The following IL1RAPL2 variants were observed in gnomAD, a reference collection of about 807,000 sequenced individuals.
The protein encoded by IL1RAPL2 is interleukin 1 receptor accessory protein like 2, also known as X-linked interleukin-1 receptor accessory protein-like 2.
A neutral mutation model predicts 44.1 loss-of-function variants in IL1RAPL2; 3 were observed. The ratio of observed to expected loss-of-function variants is 0.07; its 90% CI spans 0.03 to 0.18. The LOEUF (loss-of-function observed/expected upper bound fraction) is 0.18, where lower values mean the gene tolerates loss of function less well. Among genes scored for constraint, IL1RAPL2 ranks in the 10% least tolerant of loss-of-function variants. The probability of loss-of-function intolerance (pLI) is 1.00; values close to 1 mark genes in which losing one functional copy is unlikely to be tolerated. For missense variants in IL1RAPL2, 391 were observed against 496.4 expected, an observed-to-expected ratio of 0.79 and a Z score of 2.02; for synonymous variants, 181 against 178.8, an observed-to-expected ratio of 1.01 and a Z score of -0.10.
intron 2 of IL1RAPL2, among the ~76,000 whole-genome samples, chrX:105,059,017 G>T (rs1026888582): frequency 1.8e-5 from 2 of 111,370 alleles, no homozygotes; most frequent in East Asian, 5.6e-4. Context: ...ATATTTTTGG[G>T]GTACATGAGA....
At chrX:105,382,585 A>T (rs2035441846) in intron 5 of IL1RAPL2, among the ~76,000 whole-genome samples, 1 of 103,744 alleles carries the variant, frequency 9.6e-6, no homozygotes, top group African/African-American at 3.9e-5. Context: ...ATCTAGAACT[A>T]GAAATACCAT....
chrX:105,679,700 G>A (rs1383230783), intron 6 of IL1RAPL2, among the ~76,000 whole-genome samples: 1 of 111,808 alleles, frequency 8.9e-6, no homozygotes, highest in African/African-American at 3.2e-5. Context: ...TAGAGATGAT[G>A]TATCATTTCC....
At chrX:105,332,815 A>G (rs189859503) in intron 5 of IL1RAPL2, among the ~76,000 whole-genome samples, 36 of 111,643 alleles carry the variant, frequency 3.2e-4, no homozygotes, top group Admixed American at 3.1e-3. Flanking sequence ...CCAAATAAGT[A>G]GAAGTTCTCC....
intron 2 of IL1RAPL2, among the ~76,000 whole-genome samples, chrX:104,778,582 T>A (rs867513310): frequency 6.0e-4 from 55 of 92,437 alleles, no homozygotes; most frequent in Non-Finnish European, 9.8e-4. Flanking sequence ...TATATATATA[T>A]AAATATATAT....
intron 6 of IL1RAPL2, among the ~76,000 whole-genome samples, chrX:105,542,920 C>T (rs1458170994): frequency 1.8e-5 from 2 of 109,532 alleles, no homozygotes; most frequent in African/African-American, 6.6e-5. Flanking sequence ...GATTTAAATT[C>T]AATCTAGGAA....
At chrX:104,942,829 G>C (rs916206124) in intron 2 of IL1RAPL2, among the ~76,000 whole-genome samples, 2 of 111,367 alleles carry the variant, frequency 1.8e-5, no homozygotes, top group Non-Finnish European at 3.8e-5. Flanking sequence ...TTGGCTGTGG[G>C]TTTGTCATAA....
At chrX:105,070,332 A>G (rs910423155) in intron 2 of IL1RAPL2, among the ~76,000 whole-genome samples, 1 of 111,677 alleles carries the variant, frequency 9.0e-6, no homozygotes, top group Non-Finnish European at 1.9e-5. Context: ...CCTTATTGTC[A>G]TATCTTAAGG....
intron 2 of IL1RAPL2, among the ~76,000 whole-genome samples, chrX:105,038,556 G>T (rs1296788226): frequency 9.1e-6 from 1 of 110,020 alleles, no homozygotes; most frequent in East Asian, 2.9e-4. Context: ...TTTTAACTTT[G>T]ATTTTAGATT....
At chrX:105,490,766 G>A (rs1283564820) in intron 6 of IL1RAPL2, among the ~76,000 whole-genome samples, 1 of 112,144 alleles carries the variant, frequency 8.9e-6, no homozygotes. Context: ...AAATACAGAG[G>A]TGAATTAAAT....
chrX:105,446,592 C>T (rs978473160), intron 5 of IL1RAPL2, among the ~76,000 whole-genome samples: 2 of 110,324 alleles, frequency 1.8e-5, no homozygotes, highest in African/African-American at 6.6e-5. Flanking sequence ...TACGATGAGG[C>T]CTGCAAACAC....
At chrX:104,907,741 A>T (rs892785985) in intron 2 of IL1RAPL2, among the ~76,000 whole-genome samples, 2 of 109,908 alleles carry the variant, frequency 1.8e-5, no homozygotes, top group African/African-American at 3.3e-5. Flanking sequence ...TCAATTTTGG[A>T]ATAGGTGTGG....
intron 2 of IL1RAPL2, among the ~76,000 whole-genome samples, chrX:104,996,629 C>A (rs1163007769): frequency 8.9e-6 from 1 of 112,094 alleles, no homozygotes; most frequent in Non-Finnish European, 1.9e-5. Context: ...GAATATTATG[C>A]TTTGAATAAG....
At chrX:105,506,571 T>C (rs1023906285) in intron 6 of IL1RAPL2, among the ~76,000 whole-genome samples, 2 of 111,757 alleles carry the variant, frequency 1.8e-5, no homozygotes, top group Non-Finnish European at 3.8e-5. Context: ...TCACTTTCAC[T>C]GCATTCTGTT....
chrX:105,026,499 C>T (rs1439336360), intron 2 of IL1RAPL2, among the ~76,000 whole-genome samples: 1 of 110,586 alleles, frequency 9.0e-6, no homozygotes, highest in Non-Finnish European at 1.9e-5. Flanking sequence ...TTCAGTAAAG[C>T]TGCAGGATAC....
intron 8 of IL1RAPL2, among the ~76,000 whole-genome samples, chrX:105,743,421 C>T (rs1233593499): frequency 9.0e-6 from 1 of 111,518 alleles, no homozygotes; most frequent in Non-Finnish European, 1.9e-5. Flanking sequence ...GTCCTTTGCA[C>T]TTGCTGTTTC....
intron 2 of IL1RAPL2, among the ~76,000 whole-genome samples, chrX:105,055,517 A>G (rs757100184): frequency 2.6e-4 from 29 of 112,076 alleles, no homozygotes; most frequent in African/African-American, 9.4e-4. Flanking sequence ...TTAGCATTAC[A>G]CAGTGAATGT....
chrX:105,056,228 G>C (rs1468605931), intron 2 of IL1RAPL2, among the ~76,000 whole-genome samples: 3 of 111,295 alleles, frequency 2.7e-5, no homozygotes, highest in Non-Finnish European at 5.7e-5. Context: ...TGTGCTAGTA[G>C]GTATTCTGGA....
At position 105,029,513 on chromosome X, in the gene IL1RAPL2, G is replaced by C. The variant is rs1342641472; in HGVS notation, c.83-165962G>C. ...GAGAACATCCAGTGTTTGGTTTTTT[G>C]TCCTTGTGATAGTTTGCTGAGAATG... On this transcript the variant is annotated intron_variant, in intron 2 of 10. Transcript: ENST00000372582. Among the ~76,000 whole-genome samples, 5 of 102,195 alleles carry C rather than the reference G, an allele frequency of 4.9e-5. No individual in the cohort carries two copies. In the East Asian group the frequency reaches 1.6e-3, roughly 33 times the overall value. The allele number at this position is 102,195 out of a possible 115,157, so 88.7% of individuals were successfully genotyped here.
chrX:105,311,185 A>T (rs2147681311), intron 5 of IL1RAPL2, among the ~76,000 whole-genome samples: 1 of 111,566 alleles, frequency 9.0e-6, no homozygotes, highest in East Asian at 2.8e-4. Context: ...TTTTGTATTT[A>T]AAAATGTATC....
Sources: allele counts gnomAD v4.1 joint callset (sites outside exome capture counted in the v4.1 genomes callset), GRCh38; gene constraint gnomAD v4.1.1; transcripts MANE v1.5; gene names NCBI Gene and HGNC (gene_info 2026-07-23, HGNC 2026-07-21).